ABCA10: variants seen among roughly 807,000 people sequenced by gnomAD.
The protein encoded by ABCA10 is ATP-binding cassette sub-family A member 10.
Under a neutral mutation model 187.5 loss-of-function variants are expected in ABCA10, and 169 were observed. That is an observed-to-expected ratio of 0.90 (90% CI 0.80 to 1.02). ABCA10 has a LOEUF of 1.02. Among genes scored for constraint, ABCA10 ranks in the 50% least tolerant of loss-of-function variants. ABCA10 has a pLI of 0.00. For synonymous variants in ABCA10, 574 were observed against 601.8 expected (o/e 0.95, Z 0.68); for missense variants, 1,727 against 1,812.4 (o/e 0.95, Z 0.86).
At chr17:69,226,520 T>A (rs551803469) in intron 2 of ABCA10, among the ~76,000 whole-genome samples, 1 of 152,022 alleles carries the variant, frequency 6.6e-6, no homozygotes. Context: ...TTATATCTCA[T>A]AGTAACACAA....
chr17:69,219,595 T>G lies in ABCA10; in HGVS notation c.480A>C (p.Gly160=). The G allele has an allele frequency of 6.2e-7, 1 of 1,608,848 alleles. No homozygotes were observed. Residue 160 remains glycine, a synonymous_variant, in exon 6 of 39, where the codon GGA becomes GGC. Coordinates refer to ENST00000690296, the MANE Select transcript of ABCA10 (RefSeq NM_001377321.1). ...FASLNVARER[G]KFKKLMTVMG... is the part of the protein sequence containing the mutation. ...TCACTGTCATCAGTTTCTTAAATTT[T>G]CCTCTTTCCCTTGCAACATTTAATG...
intron 9 of ABCA10, among the ~76,000 whole-genome samples, chr17:69,203,231 T>A (rs938871470): frequency 1.3e-5 from 2 of 151,924 alleles, no homozygotes; most frequent in African/African-American, 4.8e-5. Flanking sequence ...AGATCTAGAG[T>A]TGAACTAGCC....
In ABCA10 at chr17:69,187,770, A is replaced by G; in HGVS notation, c.2241T>C (p.Ser747=). ...TTTGTCGTCTCCAGAGAGCTGCACT[A>G]CTGACAGCCTTTCTTGTTTCAGGAA... ...CSLPETRKAV[S]SAALWRRQIY... The change falls in exon 19 of 39, where the codon AGT becomes AGC. Residue 747 remains serine (S), a synonymous_variant. Transcript: ENST00000690296. 6.2e-7 allele frequency: 1 copy of G among 1,613,952 alleles called. No homozygotes were observed. Among genetic ancestry groups the G allele is most frequent in the Non-Finnish European group, 8.5e-7 (1 of 1,179,822 alleles).
intron 1 of ABCA10, among the ~76,000 whole-genome samples, chr17:69,241,888 T>A (rs2144871520): frequency 6.6e-6 from 1 of 152,340 alleles, no homozygotes; most frequent in East Asian, 1.9e-4. Flanking sequence ...GAATACTGAA[T>A]AATAATGAAA....
chr17:69,196,684 C>T (rs908519587), intron 11 of ABCA10, among the ~76,000 whole-genome samples: 13 of 152,106 alleles, frequency 8.5e-5, no homozygotes, highest in African/African-American at 2.9e-4. Context: ...GAGGTTGTAG[C>T]GAGCCAAGAT....
At chr17:69,166,765 A>G (rs1285445942) in intron 25 of ABCA10, among the ~76,000 whole-genome samples, 1 of 152,210 alleles carries the variant, frequency 6.6e-6, no homozygotes, top group Admixed American at 6.5e-5. Context: ...CCCAGATGCT[A>G]TTAATAAAAT....
chr17:69,184,490 T>C (rs1398239284), intron 20 of ABCA10, among the ~76,000 whole-genome samples: 1 of 152,074 alleles, frequency 6.6e-6, no homozygotes, highest in South Asian at 2.1e-4. Flanking sequence ...ACTCCCCTGC[T>C]ACCTCCACCA....
At chr17:69,234,748 AT>A (rs1435065634) in intron 1 of ABCA10, 1 of 152,142 alleles carries the variant, frequency 6.6e-6, no homozygotes, top group Non-Finnish European at 1.5e-5. Context: ...TGGTCAATGA[AT>A]TTTTTGCTCT....
At chr17:69,209,073 G>A (rs139459501) in intron 9 of ABCA10, among the ~76,000 whole-genome samples, 1,965 of 152,244 alleles carry the variant, frequency 0.013, 49 homozygotes, top group African/African-American at 0.045. Context: ...AGAACAGGGT[G>A]TTTTTAATGC....
intron 4 of ABCA10, among the ~76,000 whole-genome samples, 191 bp downstream of exon 4, chr17:69,222,342 A>C (rs2074755759): frequency 6.6e-6 from 1 of 151,978 alleles, no homozygotes; most frequent in African/African-American, 2.4e-5. Flanking sequence ...CATCTCAAAA[A>C]AAAAAAAAAG....
At chr17:69,160,642 T>G (rs1202688089) in intron 27 of ABCA10, among the ~76,000 whole-genome samples, 1 of 151,910 alleles carries the variant, frequency 6.6e-6, no homozygotes, top group Non-Finnish European at 1.5e-5. Flanking sequence ...ATAACTTGAA[T>G]AAATATTTCT....
At chr17:69,174,535 A>G (rs1466856214) in intron 24 of ABCA10, 72 bp downstream of exon 24, 1 of 1,482,968 alleles carries the variant, frequency 6.7e-7, no homozygotes, top group African/African-American at 1.4e-5. Flanking sequence ...CTAATGACAA[A>G]ACATTCATGA....
In ABCA10 at chr17:69,174,472, A is replaced by G. The variant is rs1367650663; in HGVS notation, c.3049-78T>C. On this transcript the variant is annotated intron_variant, in intron 24 of 38. Transcript: ENST00000690296. ...AAAGAGGAGGGGAGATAATCAGGTC[A>G]TAAAGCTGCCTAAGGCAATTTTCTT... The G allele has an allele frequency of 2.3e-5, 34 of 1,456,848 alleles. No homozygotes were observed. The East Asian group carries it at 7.8e-4, about 33-fold the overall frequency. 90.2% of individuals were successfully genotyped at this position (1,456,848 alleles called of 1,614,324 possible). A position where few individuals can be genotyped will look rare whatever the true frequency, so the allele number is the denominator to read the frequency against.
Position 69,152,187 on chromosome 17 carries a change from G to A in ABCA10, c.4257-4C>T, listed in dbSNP as rs1442053837. The stretch of plus-strand genomic sequence containing the variant: ...ATGTTGAATGGAACCAATACACCTA[G>A]TTCAGGGGAAATAAAGAAAAAATAC... On this transcript the variant is annotated splice_region_variant and splice_polypyrimidine_tract_variant and intron_variant, in intron 35 of 38. Transcript: ENST00000690296. 4 of 1,596,738 alleles carry A rather than the reference G, an allele frequency of 2.5e-6. No individual in the cohort carries two copies. The highest frequency in any genetic ancestry group is 3.4e-6 in the Non-Finnish European group (4 of 1,175,764).
In ABCA10 at chr17:69,156,034, A is replaced by T. The variant is rs1701927925; in HGVS notation, c.3456-109T>A. 5 of 1,256,512 alleles carry T rather than the reference A, an allele frequency of 4.0e-6. No individual in the cohort carries two copies. The Admixed American group carries it at 1.3e-4, about 32-fold the overall frequency. The allele number at this position is 1,256,512 out of a possible 1,614,324, so 77.8% of individuals were successfully genotyped here. A position where few individuals can be genotyped will look rare whatever the true frequency, so the allele number is the denominator to read the frequency against. The stretch of plus-strand genomic sequence containing the variant: ...TATCCTTTTTAAAAAAGACTATCAC[A>T]TCATTAATTTATTACCTACAAGATT... On this transcript the variant is annotated intron_variant, in intron 28 of 38. Coordinates refer to ENST00000690296, the MANE Select transcript of ABCA10 (RefSeq NM_001377321.1).
At position 69,216,483 on chromosome 17, in the gene ABCA10, T is replaced by C. The variant is rs115996029; in HGVS notation, c.531-125A>G. On this transcript the variant is annotated intron_variant, in intron 6 of 38. Transcript: ENST00000690296. ...TAAATTTATTCTAAATGGGTGGCCA[T>C]ACACATTTTGTGACTATTAGCAAGT... 128 of 1,118,836 alleles carry C rather than the reference T, an allele frequency of 1.1e-4. No homozygotes were observed. In the African/African-American group the frequency reaches 1.8e-3, roughly 16 times the overall value. 69.3% of individuals were successfully genotyped at this position (1,118,836 alleles called of 1,614,324 possible). A position where few individuals can be genotyped will look rare whatever the true frequency, so the allele number is the denominator to read the frequency against.
intron 28 of ABCA10, among the ~76,000 whole-genome samples, 175 bp from the exon 29 acceptor site, chr17:69,156,100 G>T (rs934855149): frequency 2.6e-5 from 4 of 152,156 alleles, no homozygotes; most frequent in African/African-American, 7.2e-5. Context: ...CAAGTCCCTT[G>T]AAATATTCTT....
At chr17:69,221,949 G>T in intron 4 of ABCA10, 54 bp from the exon 5 acceptor site, 2 of 1,341,216 alleles carry the variant, frequency 1.5e-6, no homozygotes, top group East Asian at 2.4e-5. Flanking sequence ...TCAACTCCTG[G>T]AATTAAAACT....
chr17:69,232,152 G>A (rs1193181457), upstream of ABCA10, among the ~76,000 whole-genome samples: 1 of 151,782 alleles, frequency 6.6e-6, no homozygotes, highest in Non-Finnish European at 1.5e-5. Flanking sequence ...TGAGTCTTTT[G>A]TAGGCAGCAG....
Sources: allele counts gnomAD v4.1 joint callset (sites outside exome capture counted in the v4.1 genomes callset), GRCh38; gene constraint gnomAD v4.1.1; transcripts MANE v1.5; gene names NCBI Gene and HGNC (gene_info 2026-07-23, HGNC 2026-07-21).